Variants in PGM2L1 observed in about 807,000 individuals in gnomAD.
PGM2L1 encodes phosphoglucomutase 2 like 1, also known as glucose 1,6-bisphosphate synthase.
In PGM2L1, 35 loss-of-function variants were observed where a neutral mutation model predicts 73.4. That is an observed-to-expected ratio of 0.48 (90% CI 0.36 to 0.63). The LOEUF (loss-of-function observed/expected upper bound fraction) is 0.63. Among genes scored for constraint, PGM2L1 ranks in the 30% least tolerant of loss-of-function variants. PGM2L1 has a pLI of 0.00. For missense variants in PGM2L1, 570 were observed against 742.0 expected (o/e 0.77, Z 2.69); for synonymous variants, 225 against 253.8 (o/e 0.89, Z 1.08).
At chr11:74,380,882 T>C (rs944548151) in intron 1 of PGM2L1, among the ~76,000 whole-genome samples, 1 of 152,182 alleles carries the variant, frequency 6.6e-6, no homozygotes, top group Non-Finnish European at 1.5e-5. Flanking sequence ...AATCCAATTA[T>C]TGGCTAATGT....
intron 1 of PGM2L1, among the ~76,000 whole-genome samples, chr11:74,375,457 A>G (rs1445473939): frequency 6.6e-6 from 1 of 152,218 alleles, no homozygotes; most frequent in Non-Finnish European, 1.5e-5. Context: ...GAAAAGTCAA[A>G]TATTAAGGAA....
chr11:74,342,794 T>C, intron 11 of PGM2L1, 91 bp downstream of exon 11: 2 of 1,413,194 alleles, frequency 1.4e-6, no homozygotes, highest in Non-Finnish European at 1.9e-6. Flanking sequence ...TAAAAAAGGA[T>C]CAACTATTCT....
intron 1 of PGM2L1, among the ~76,000 whole-genome samples, chr11:74,377,659 G>A (rs541587902): frequency 9.9e-5 from 15 of 152,154 alleles, no homozygotes; most frequent in African/African-American, 3.1e-4. Context: ...TATTTTTATT[G>A]GATAGCCATG....
At chr11:74,377,693 T>C (rs1340444441) in intron 1 of PGM2L1, among the ~76,000 whole-genome samples, 1 of 152,190 alleles carries the variant, frequency 6.6e-6, no homozygotes, top group African/African-American at 2.4e-5. Context: ...ATTTTATGTA[T>C]ATATCACTTT....
rs551052533 is a variant in PGM2L1, at chr11:74,335,546, T to G, written c.*1106A>C. On this transcript the variant is annotated 3_prime_UTR_variant, in exon 14 of 14. Coordinates refer to ENST00000298198, the MANE Select transcript of PGM2L1 (RefSeq NM_173582.6). ...AACTGGACCTCTGTTTTAAAACATG[T>G]AGTTTTAGTATTTCATAATACTTAA... The G allele has an allele frequency of 1.3e-5, 2 of 152,252 alleles. No individual in the cohort carries two copies. The highest frequency in any genetic ancestry group is 4.8e-5 in the African/African-American group (2 of 41,470). 9.4% of individuals were successfully genotyped at this position (152,252 alleles called of 1,614,324 possible).
chr11:74,378,144 A>C (rs1333385683), intron 1 of PGM2L1, among the ~76,000 whole-genome samples: 2 of 152,134 alleles, frequency 1.3e-5, no homozygotes, highest in Non-Finnish European at 2.9e-5. Context: ...TCTACTAAAA[A>C]TACAAAAATT....
chr11:74,337,881 C>T (rs1862121332), intron 13 of PGM2L1, among the ~76,000 whole-genome samples: 1 of 152,080 alleles, frequency 6.6e-6, no homozygotes, highest in Admixed American at 6.5e-5. Flanking sequence ...ACCATATGAC[C>T]CAGCAGTTCA....
At chr11:74,366,367 A>C (rs987735193) in intron 5 of PGM2L1, among the ~76,000 whole-genome samples, 45 of 151,930 alleles carry the variant, frequency 3.0e-4, no homozygotes, top group Non-Finnish European at 5.3e-4. Flanking sequence ...ATAAAAAAAA[A>C]AAAAAAAGAA....
chr11:74,378,257 G>A (rs1336025541), intron 1 of PGM2L1, among the ~76,000 whole-genome samples: 1 of 151,788 alleles, frequency 6.6e-6, no homozygotes, highest in Admixed American at 6.6e-5. Flanking sequence ...AGCCGAGATT[G>A]CGCCACTGCA....
At position 74,374,551 on chromosome 11, in the gene PGM2L1, A is replaced by G. The variant is rs912530956; in HGVS notation, c.143T>C (p.Leu48Pro). The G allele has an allele frequency of 8.1e-6, 13 of 1,614,050 alleles. No homozygotes were observed. Among genetic ancestry groups the G allele is most frequent in the East Asian group, 2.2e-5 (1 of 44,886 alleles). The part of the protein sequence containing the change: ...NPKTKEQIEN[L>P]LRNGMNKELR... ...CTCCTTGTTCATCCCATTCCGTAAC[A>G]GGTTTTCAATCTGCTCTTTTGTTTT... Residue 48 changes from leucine to proline, a missense_variant, in exon 2 of 14, where the codon CTG (leucine) becomes CCG (proline). Coordinates refer to ENST00000298198, the MANE Select transcript of PGM2L1 (RefSeq NM_173582.6).
intron 1 of PGM2L1, among the ~76,000 whole-genome samples, chr11:74,387,744 C>T (rs1047620914): frequency 1.3e-5 from 2 of 152,166 alleles, no homozygotes; most frequent in African/African-American, 4.8e-5. Flanking sequence ...AAGCCAATGT[C>T]AGACAGTTAA....
In PGM2L1 at chr11:74,373,540, A is replaced by G. The variant is rs1862807671; in HGVS notation, c.279+875T>C. 2.0e-5 allele frequency among the ~76,000 whole-genome samples: 3 copies of G among 152,256 alleles called. No homozygotes were observed. In the South Asian group the frequency reaches 6.2e-4, roughly 31 times the overall value. On this transcript the variant is annotated intron_variant, in intron 2 of 13. Transcript: ENST00000298198. ...CCTCAAAAGTATAGTTATTTGAAACAGGATGATTCACTGCAAAGAGAAGCA... is the reference window on the plus strand; with the variant it reads ...CCTCAAAAGTATAGTTATTTGAAACGGGATGATTCACTGCAAAGAGAAGCA...
chr11:74,336,783 T>G, intron 13 of PGM2L1, 29 bp from the exon 14 acceptor site: 1 of 1,486,698 alleles, frequency 6.7e-7, no homozygotes, highest in South Asian at 1.2e-5. Context: ...GTTTTGGAAT[T>G]ATTTATTTTC....
In PGM2L1 at chr11:74,368,587, A is replaced by G. The variant is rs765519639; in HGVS notation, c.472-12T>C. ...TGAACTGCATATGGCTGAAAAATAA[A>G]TAACACCATAATTCCATTTTGCTTC... On this transcript the variant is annotated splice_polypyrimidine_tract_variant and intron_variant, in intron 4 of 13. Coordinates refer to ENST00000298198, the MANE Select transcript of PGM2L1 (RefSeq NM_173582.6). The G allele has an allele frequency of 1.2e-6, 2 of 1,607,778 alleles. No homozygotes were observed. The highest frequency in any genetic ancestry group is 1.7e-6 in the Non-Finnish European group (2 of 1,174,598).
chr11:74,351,700 C>T lies in PGM2L1; in HGVS notation c.556-124G>A, dbSNP rs536769449. 44 of 792,816 alleles carry T rather than the reference C, an allele frequency of 5.5e-5. No individual in the cohort carries two copies. In the African/African-American group the frequency reaches 6.4e-4, roughly 12 times the overall value. The allele number at this position is 792,816 out of a possible 1,614,324, so 49.1% of individuals were successfully genotyped here. The stretch of plus-strand genomic sequence containing the variant: ...AATTGAGGCCAGGCACGGTGGCTCA[C>T]GCCTGTAATCTCAGCACTTTGGGAG... On this transcript the variant is annotated intron_variant, in intron 5 of 13. Transcript: ENST00000298198.
intron 5 of PGM2L1, among the ~76,000 whole-genome samples, chr11:74,361,023 C>A (rs1331130801): frequency 6.6e-6 from 1 of 152,174 alleles, no homozygotes; most frequent in Non-Finnish European, 1.5e-5. Flanking sequence ...ACTTAAATGT[C>A]CCTGTCTGAC....
chr11:74,343,332 C>A lies in PGM2L1; in HGVS notation c.1303G>T (p.Glu435Ter). ...AATATTTACTACATACCAATAGACT[C>A]TTCAAATGCAAAAAGGACTTCTTTC... ...NGKEVLFAFE[E>*]SIGFLCGTSV... Residue 435 changes from glutamate (E) to a stop codon, truncating the protein, a stop_gained, in exon 10 of 14, where the codon GAG becomes TAG. Transcript: ENST00000298198. LOFTEE classifies it high-confidence loss of function. 8.1e-6 allele frequency: 13 copies of A among 1,606,608 alleles called. No homozygotes were observed. The highest frequency in any genetic ancestry group is 1.1e-5 in the Non-Finnish European group (13 of 1,178,106).
At chr11:74,347,449 C>T in intron 6 of PGM2L1, 112 bp from the exon 7 acceptor site, 1 of 870,682 alleles carries the variant, frequency 1.1e-6, no homozygotes, top group Non-Finnish European at 1.7e-6. Flanking sequence ...TTTAAGCCTT[C>T]AGCAGAGGTC....
At chr11:74,359,564 CATATATAT>C (rs56089033) in intron 5 of PGM2L1, among the ~76,000 whole-genome samples, 1 of 149,976 alleles carries the variant, frequency 6.7e-6, no homozygotes, top group South Asian at 2.1e-4. Context: ...CACGTACATA[CATATATAT>C]ATATATATAC....
Sources: allele counts gnomAD v4.1 joint callset (sites outside exome capture counted in the v4.1 genomes callset), GRCh38; gene constraint gnomAD v4.1.1; transcripts MANE v1.5; gene names NCBI Gene and HGNC (gene_info 2026-07-23, HGNC 2026-07-21).